AKAP9: variants seen among roughly 807,000 people sequenced by gnomAD.
The protein encoded by AKAP9 is A-kinase anchor protein 9.
Under a neutral mutation model 488.5 loss-of-function variants are expected in AKAP9, and 311 were observed. The ratio of observed to expected loss-of-function variants is 0.64; its 90% CI spans 0.58 to 0.70. AKAP9 has a LOEUF of 0.70. Among genes scored for constraint, AKAP9 ranks in the 30% least tolerant of loss-of-function variants. The pLI is 0.00. For missense variants in AKAP9, 4,215 were observed against 4,374.5 expected (o/e 0.96, Z 1.03); for synonymous variants, 1,462 against 1,483.5 (o/e 0.99, Z 0.33).
intron 38 of AKAP9, 122 bp downstream of exon 38, chr7:92,089,651 T>A: frequency 9.0e-7 from 1 of 1,114,178 alleles, no homozygotes. Flanking sequence ...CTCATTCTCA[T>A]AATGTTAAGG....
intron 28 of AKAP9, among the ~76,000 whole-genome samples, chr7:92,075,096 AAAAAT>A (rs1194151342): frequency 2.0e-5 from 3 of 152,166 alleles, no homozygotes; most frequent in Admixed American, 6.5e-5. Context: ...AAATTAAAAA[AAAAAT>A]AAAACACAAG....
intron 37 of AKAP9, among the ~76,000 whole-genome samples, chr7:92,087,787 A>G (rs1814842193): frequency 6.6e-6 from 1 of 151,952 alleles, no homozygotes; most frequent in Non-Finnish European, 1.5e-5. Flanking sequence ...AATTGACCAA[A>G]TTCTAGAAAA....
chr7:91,954,696 G>T (rs967583892), intron 1 of AKAP9, among the ~76,000 whole-genome samples: 4 of 132,688 alleles, frequency 3.0e-5, no homozygotes, highest in Non-Finnish European at 6.6e-5. Context: ...GGAAACACCT[G>T]GGAAGCTTTA....
intron 22 of AKAP9, among the ~76,000 whole-genome samples, chr7:92,054,206 A>G (rs1808407676): frequency 6.6e-6 from 1 of 152,164 alleles, no homozygotes; most frequent in African/African-American, 2.4e-5. Context: ...AATAACTAAA[A>G]TTATCTTGAA....
rs1806734453 is a variant in AKAP9 at position 92,045,042 on chromosome 7, A to G, written c.5197A>G (p.Lys1733Glu). The change falls in exon 21 of 50, where the codon AAG (lysine) becomes GAG (glutamate). Residue 1733 changes from lysine to glutamate, a missense_variant. Around this residue, in one of 5 missense-constraint regions of AKAP9, gnomAD observed 2,361 missense variants for 2,430.0 expected, o/e 0.97. Coordinates refer to ENST00000356239, the MANE Select transcript of AKAP9 (RefSeq NM_005751.5). ...CCAGAAAGCTAATAATAGACTTTTGAAGATCCTCTTAGAAGTTGTAAAGAC... is the reference window on the plus strand; with the variant it reads ...CCAGAAAGCTAATAATAGACTTTTGGAGATCCTCTTAGAAGTTGTAAAGAC... ...ALQKANNRLL[K>E]ILLEVVKTTA... is the part of the protein sequence containing the mutation. 6.2e-7 allele frequency: 1 copy of G among 1,613,600 alleles called. No homozygotes were observed. Among genetic ancestry groups the G allele is most frequent in the Non-Finnish European group, 8.5e-7 (1 of 1,179,574 alleles).
intron 48 of AKAP9, 89 bp downstream of exon 48, chr7:92,107,511 T>C: frequency 7.9e-7 from 1 of 1,261,830 alleles, no homozygotes; most frequent in Non-Finnish European, 1.1e-6. Context: ...TTGACTTCTT[T>C]GCATTGAGAT....
intron 15 of AKAP9, 87 bp from the exon 16 acceptor site, chr7:92,031,425 A>G: frequency 1.1e-6 from 1 of 924,466 alleles, no homozygotes; most frequent in East Asian, 2.4e-5. Context: ...AAATACTGAT[A>G]CTTTGGGGAG....
At chr7:92,007,278 ATTCTTTT>A (rs1158623958) in intron 8 of AKAP9, among the ~76,000 whole-genome samples, 1 of 136,528 alleles carries the variant, frequency 7.3e-6, no homozygotes, top group Non-Finnish European at 1.5e-5. Context: ...GAGAACTGAA[ATTCTTTT>A]TTTTTTTTTT....
At chr7:91,991,675 G>T (rs1797777969) in intron 3 of AKAP9, among the ~76,000 whole-genome samples, 1 of 151,686 alleles carries the variant, frequency 6.6e-6, no homozygotes, top group African/African-American at 2.4e-5. Flanking sequence ...GTTTCACCGT[G>T]TTAGCCAGGA....
intron 7 of AKAP9, among the ~76,000 whole-genome samples, chr7:91,997,345 A>T (rs1798522143): frequency 6.6e-6 from 1 of 152,228 alleles, no homozygotes; most frequent in Non-Finnish European, 1.5e-5. Context: ...GTCTGGCTTC[A>T]TAAGAGAAGA....
At chr7:91,981,714 A>G (rs1334315687) in intron 3 of AKAP9, among the ~76,000 whole-genome samples, 1 of 149,240 alleles carries the variant, frequency 6.7e-6, no homozygotes, top group Non-Finnish European at 1.5e-5. Context: ...GATCTAAGCA[A>G]TTCTCTGCCT....
Position 92,095,109 on chromosome 7 carries a change from G to T in AKAP9, c.9665G>T (p.Trp3222Leu), listed in dbSNP as rs374308878. The T allele has an allele frequency of 3.2e-5, 52 of 1,613,990 alleles. No homozygotes were observed. The highest frequency in any genetic ancestry group is 4.3e-5 in the Non-Finnish European group (51 of 1,179,994). The stretch of plus-strand genomic sequence containing the variant: ...CAGAAAAAATCAAGAGAGCTCCAGT[G>T]GGCTTTGGAGAAAGAGAAAGCCAAG... ...SEQKKSRELQ[W>L]ALEKEKAKLG... is the part of the protein sequence containing the mutation. The change falls in exon 40 of 50, where the codon TGG becomes TTG. Residue 3222 changes from tryptophan (W) to leucine (L), a missense_variant. By Grantham distance (61) the Trp-to-Leu change is moderately conservative. Transcript: ENST00000356239.
rs61757673 is a variant in AKAP9 at position 92,086,295 on chromosome 7, A to G, written c.9092A>G (p.Gln3031Arg). The G allele has an allele frequency of 1.1e-3, 1,701 of 1,614,092 alleles. 16 individuals are homozygous for G. In the African/African-American group the frequency reaches 0.019, roughly 18 times the overall value. Residue 3031 changes from glutamine to arginine, a missense_variant, in exon 37 of 50, where the codon CAA (glutamine) becomes CGA (arginine). By Grantham distance (43) the Gln-to-Arg change is conservative. Around this residue, in one of 5 missense-constraint regions of AKAP9, gnomAD observed 1,476 missense variants for 1,477.4 expected, o/e 1.00. Transcript: ENST00000356239. ...DWRGELLLAL[Q>R]QVFLEERSVL... ...CGAGGTGAACTACTGCTTGCCCTTC[A>G]ACAAGTTTTCTTAGAAGAGCGTAGT...
chr7:92,022,485 T>A, intron 13 of AKAP9, 133 bp downstream of exon 13: 1 of 689,118 alleles, frequency 1.5e-6, no homozygotes, highest in Non-Finnish European at 2.5e-6. Flanking sequence ...CTCAATTTTT[T>A]CATCCTTAAA....
chr7:91,942,164 T>A (rs940175338), intron 1 of AKAP9, among the ~76,000 whole-genome samples: 1 of 152,124 alleles, frequency 6.6e-6, no homozygotes, highest in African/African-American at 2.4e-5. Flanking sequence ...TGGACAAAAA[T>A]TGTATTACAG....
At chr7:91,963,482 T>TCTCACACACACACACA (rs375244495) in intron 1 of AKAP9, among the ~76,000 whole-genome samples, 103 of 139,312 alleles carry the variant, frequency 7.4e-4, no homozygotes, top group South Asian at 1.7e-3. Flanking sequence ...AACATATTTG[T>TCTCACACACACACACA]CACACACACA....
intron 3 of AKAP9, among the ~76,000 whole-genome samples, chr7:91,985,861 C>G (rs996150907): frequency 6.6e-6 from 1 of 152,164 alleles, no homozygotes; most frequent in African/African-American, 2.4e-5. Flanking sequence ...ACTGTTCAAG[C>G]TGGTCTCGAA....
In AKAP9 at chr7:91,980,495, C is replaced by CTTTTTTTTTT. The variant is rs60385804; in HGVS notation, c.351+176_351+185dup. ...GAACCTGAGGATTATGTATTACTGA[C>CTTTTTTTTTT]TTTTTTTTTTTTTTTTTTTTTTTCA... is the stretch of plus-strand genomic sequence containing the variant. On this transcript the variant is annotated intron_variant, in intron 3 of 49. Transcript: ENST00000356239. Among the ~76,000 whole-genome samples, 67 of 48,768 alleles carry CTTTTTTTTTT rather than the reference C, an allele frequency of 1.4e-3. 22 individuals are homozygous for CTTTTTTTTTT. The highest frequency in any genetic ancestry group is 3.9e-3 in the African/African-American group (42 of 10,706). 32.0% of individuals were successfully genotyped at this position (48,768 alleles called of 152,430 possible).
At chr7:92,056,166 C>A (rs1268343539) in intron 22 of AKAP9, among the ~76,000 whole-genome samples, 2 of 151,774 alleles carry the variant, frequency 1.3e-5, no homozygotes, top group Non-Finnish European at 2.9e-5. Flanking sequence ...TTTTTGAGTC[C>A]ATTTTTCTCA....
Sources: allele counts gnomAD v4.1 joint callset (sites outside exome capture counted in the v4.1 genomes callset), GRCh38; gene constraint gnomAD v4.1.1; regional missense constraint gnomAD v4.1.1; transcripts MANE v1.5; gene names NCBI Gene and HGNC (gene_info 2026-07-23, HGNC 2026-07-21).